The following ZGLP1 variants were observed in gnomAD, a reference collection of about 807,000 sequenced individuals.
ZGLP1 encodes zinc finger GATA like protein 1.
A neutral mutation model predicts 21.4 loss-of-function variants in ZGLP1; 11 were observed. The ratio of observed to expected loss-of-function variants is 0.51; its 90% confidence interval spans 0.32 to 0.85. The LOEUF is 0.85. ZGLP1 is among the 40% of genes least tolerant of loss of function. The pLI is 0.03. For synonymous variants in ZGLP1, 148 were observed against 145.0 expected, an observed-to-expected ratio of 1.02 and a Z score of -0.15; for missense variants, 295 against 355.6, an observed-to-expected ratio of 0.83 and a Z score of 1.37.
rs1307150248 is a variant in ZGLP1 at position 10,305,265 on chromosome 19, C to T, written c.699-57G>A. ...GGATGCAGTGGGGGCCCGGAAACCG[C>T]CACAAGGAAACCACTTTTCCCAAGA... On this transcript the variant is annotated intron_variant, in intron 3 of 3. Coordinates refer to ENST00000403903, the Ensembl canonical transcript of ZGLP1. The surrounding 1 kb of genome is among the most constrained non-coding windows in gnomAD (Gnocchi z 4.7). The T allele has an allele frequency of 3.2e-6, 5 of 1,587,264 alleles. No homozygotes were observed. The highest frequency in any genetic ancestry group is 1.7e-5 in the Admixed American group (1 of 59,248).
At chr19:10,307,275 C>A (rs955290627) in intron 1 of ZGLP1, among the ~76,000 whole-genome samples, 3 of 151,402 alleles carry the variant, frequency 2.0e-5, no homozygotes, top group Non-Finnish European at 4.4e-5. Flanking sequence ...TGGGCTCATG[C>A]AATCCTCCCA....
At chr19:10,307,347 T>C (rs1599288189) in intron 1 of ZGLP1, among the ~76,000 whole-genome samples, 1 of 5,412 alleles carries the variant, frequency 1.8e-4, no homozygotes, top group African/African-American at 3.7e-3. Context: ...TTCCCAAAGC[T>C]TTTTTTTTTT....
At chr19:10,308,769 A>G in exon 1 of ZGLP1, 2 of 1,271,094 alleles carry the variant, frequency 1.6e-6, no homozygotes, top group Non-Finnish European at 2.0e-6. Context: ...CCAGCCCTCC[A>G]CATCAATCAA....
chr19:10,308,561 G>A lies in ZGLP1; in HGVS notation c.121C>T (p.Leu41Phe), dbSNP rs1035801807. The A allele has an allele frequency of 1.9e-6, 3 of 1,596,910 alleles. No individual in the cohort carries two copies. Among genetic ancestry groups the A allele is most frequent in the Non-Finnish European group, 1.7e-6 (2 of 1,170,574 alleles). Residue 41 changes from leucine to phenylalanine, a missense_variant, in exon 1 of 4, where the codon CTT becomes TTT. Physicochemically the swap from Leu to Phe is conservative, Grantham distance 22. Around this residue, in one of 2 missense-constraint regions of ZGLP1, gnomAD observed 252 missense variants for 264.0 expected, o/e 0.95. Transcript: ENST00000403903. ...GCAGGCCAGAGGGACCTGGGGAGAA[G>A]GGCAGTGGGGTCACGTTTTCTTGGG...
chr19:10,305,007 A>G lies in ZGLP1; in HGVS notation c.*84T>C, dbSNP rs560233187. 1.0e-4 allele frequency: 110 copies of G among 1,086,072 alleles called. No individual in the cohort carries two copies. In the African/African-American group the frequency reaches 1.5e-3, roughly 15 times the overall value. The allele number at this position is 1,086,072 out of a possible 1,614,324, so 67.3% of individuals were successfully genotyped here. A position where few individuals can be genotyped will look rare whatever the true frequency, so the allele number is the denominator to read the frequency against. On this transcript the variant is annotated 3_prime_UTR_variant, in exon 4 of 4. Transcript: ENST00000403903. This position sits in a 1 kb window ranked among gnomAD's most constrained non-coding sequence, Gnocchi z 4.7. ...AGGAGGCAGGCCGGCTCTTTCCCCA[A>G]TCCTCCTAGGAGAGCTGCTTCTGCC...
Position 10,305,905 on chromosome 19 carries a change from C to T in ZGLP1, c.545G>A (p.Gly182Glu), listed in dbSNP as rs1317900763. ...GCCTCCTGGGTGGGCTGCAGGGCCC[C>T]CAACAGCATCTGCAGGGGATTCCTG... The change falls in exon 2 of 4, where the codon GGG becomes GAG. Residue 182 changes from glycine to glutamate, a missense_variant. Gly to Glu is a moderately conservative substitution (Grantham distance 98). Coordinates refer to ENST00000403903, the Ensembl canonical transcript of ZGLP1. The surrounding 1 kb of genome is among the most constrained non-coding windows in gnomAD (Gnocchi z 4.7). 3.8e-6 allele frequency: 6 copies of T among 1,565,408 alleles called. No homozygotes were observed. The highest frequency in any genetic ancestry group is 5.2e-6 in the Non-Finnish European group (6 of 1,153,714).
In ZGLP1 at chr19:10,305,636, A is replaced by T; in HGVS notation, c.605-153T>A. 1.3e-6 allele frequency: 1 copy of T among 772,624 alleles called. No homozygotes were observed. Among genetic ancestry groups the T allele is most frequent in the South Asian group, 1.7e-5 (1 of 60,422 alleles). 47.9% of individuals were successfully genotyped at this position (772,624 alleles called of 1,614,324 possible). On this transcript the variant is annotated intron_variant, in intron 2 of 3. Transcript: ENST00000403903. The surrounding 1 kb of genome is among the most constrained non-coding windows in gnomAD (Gnocchi z 4.7). ...AGTTGCCAGCTCTAAGCCACAGCAA[A>T]GCCAGGAAGGGAGACAGATGGCAGC...
Position 10,305,021 on chromosome 19 carries a change from G to T in ZGLP1, c.*70C>A. 1 of 1,214,682 alleles carries T rather than the reference G, an allele frequency of 8.2e-7. No homozygotes were observed. Among genetic ancestry groups the T allele is most frequent in the Non-Finnish European group, 1.2e-6 (1 of 824,796 alleles). 75.2% of individuals were successfully genotyped at this position (1,214,682 alleles called of 1,614,324 possible). ...CTCTTTCCCCAATCCTCCTAGGAGA[G>T]CTGCTTCTGCCCATTCTCCCACTGG... On this transcript the variant is annotated 3_prime_UTR_variant, in exon 4 of 4. Coordinates refer to ENST00000403903, the Ensembl canonical transcript of ZGLP1. The surrounding 1 kb of genome is among the most constrained non-coding windows in gnomAD (Gnocchi z 4.7).
rs530088791 is a variant in ZGLP1 at position 10,305,908 on chromosome 19, A to G, written c.542T>C (p.Val181Ala). The G allele has an allele frequency of 5.2e-5, 82 of 1,565,826 alleles. No individual in the cohort carries two copies. In the South Asian group the frequency reaches 8.9e-4, roughly 17 times the overall value. ...TCCTGGGTGGGCTGCAGGGCCCCCA[A>G]CAGCATCTGCAGGGGATTCCTGAGA... is the stretch of plus-strand genomic sequence containing the variant. The change falls in exon 2 of 4, where the codon GTT becomes GCT. Residue 181 changes from valine to alanine, a missense_variant. By Grantham distance (64) the Val-to-Ala change is moderately conservative. Transcript: ENST00000403903. This position sits in a 1 kb window ranked among gnomAD's most constrained non-coding sequence, Gnocchi z 4.7.
exon 1 of ZGLP1, chr19:10,308,774 A>T (rs1286517392): frequency 8.0e-7 from 1 of 1,248,356 alleles, no homozygotes; most frequent in Non-Finnish European, 1.0e-6. Context: ...CCTCCACATC[A>T]ATCAACCCCT....
chr19:10,305,656 G>A lies in ZGLP1; in HGVS notation c.605-173C>T. ...AGCAAAGCCAGGAAGGGAGACAGAT[G>A]GCAGCATTCCGCAGAGGAGGAAGCT... On this transcript the variant is annotated intron_variant, in intron 2 of 3. Coordinates refer to ENST00000403903, the Ensembl canonical transcript of ZGLP1. This position sits in a 1 kb window ranked among gnomAD's most constrained non-coding sequence, Gnocchi z 4.7. The A allele has an allele frequency of 1.3e-6, 1 of 741,808 alleles. No individual in the cohort carries two copies. The highest frequency in any genetic ancestry group is 2.3e-6 in the Non-Finnish European group (1 of 440,514). 46.0% of individuals were successfully genotyped at this position (741,808 alleles called of 1,614,324 possible). A position where few individuals can be genotyped will look rare whatever the true frequency, so the allele number is the denominator to read the frequency against.
chr19:10,307,346 CTTTTT>C (rs543276157), intron 1 of ZGLP1, among the ~76,000 whole-genome samples: 1 of 122,986 alleles, frequency 8.1e-6, no homozygotes, highest in Non-Finnish European at 1.7e-5. Context: ...CTTCCCAAAG[CTTTTT>C]TTTTTTTTTT....
intron 1 of ZGLP1, among the ~76,000 whole-genome samples, chr19:10,307,438 C>T (rs2040285814): frequency 6.6e-6 from 1 of 151,224 alleles, no homozygotes; most frequent in Admixed American, 6.6e-5. Context: ...CAACCTCCAC[C>T]TCCTGGGTTC....
chr19:10,308,093 C>A, intron 1 of ZGLP1, 92 bp downstream of exon 2: 2 of 1,479,220 alleles, frequency 1.4e-6, no homozygotes, highest in South Asian at 1.4e-5. Context: ...AGGTGAGGGT[C>A]CACACCGACG....
At chr19:10,306,053 G>C (rs1054885248) in intron 1 of ZGLP1, 101 bp from the exon 3 acceptor site, 45 of 729,944 alleles carry the variant, frequency 6.2e-5, no homozygotes, top group Admixed American at 3.2e-5. Flanking sequence ...GCCATCCCCC[G>C]AGGAGGCAAC....
chr19:10,308,898 T>C (rs970074081), exon 1 of ZGLP1: 7 of 391,152 alleles, frequency 1.8e-5, no homozygotes, highest in Non-Finnish European at 2.7e-5. Flanking sequence ...GTGTTTCTTT[T>C]AGAGACCGAG....
Position 10,308,068 on chromosome 19 carries a change from T to C in ZGLP1, c.497+117A>G, listed in dbSNP as rs542364691. On this transcript the variant is annotated intron_variant, in intron 1 of 3. Coordinates refer to ENST00000403903, the Ensembl canonical transcript of ZGLP1. ...GTTGTCAACCAGAGACTGGGCCACG[T>C]GTAACGTAGAGCACAGGTGAGGGTC... The C allele has an allele frequency of 2.9e-6, 4 of 1,390,842 alleles. No homozygotes were observed. In the South Asian group the frequency reaches 4.7e-5, roughly 16 times the overall value. 86.2% of individuals were successfully genotyped at this position (1,390,842 alleles called of 1,614,324 possible).
At chr19:10,304,981 G>C (rs2040271019) in exon 4 of ZGLP1, 1 of 823,910 alleles carries the variant, frequency 1.2e-6, no homozygotes, top group Non-Finnish European at 1.9e-6. Flanking sequence ...AGATGGCAGA[G>C]AGGAGGCAGG....
chr19:10,306,408 C>T (rs1190867497), intron 1 of ZGLP1, among the ~76,000 whole-genome samples: 1 of 151,828 alleles, frequency 6.6e-6, no homozygotes, highest in Non-Finnish European at 1.5e-5. Flanking sequence ...CTACCGTGCC[C>T]GACCTAATTA....
Sources: allele counts gnomAD v4.1 joint callset (sites outside exome capture counted in the v4.1 genomes callset), GRCh38; gene constraint gnomAD v4.1.1; regional missense constraint gnomAD v4.1.1; non-coding constraint Gnocchi (gnomAD v3.1); transcripts MANE v1.5; gene names NCBI Gene and HGNC (gene_info 2026-07-23, HGNC 2026-07-21).